PUM2: variants seen among roughly 807,000 people sequenced by gnomAD.
PUM2 encodes pumilio RNA binding family member 2.
A neutral mutation model predicts 124.5 loss-of-function variants in PUM2; 57 were observed. The observed-to-expected ratio is 0.46, with a 90% CI of 0.37 to 0.57. The LOEUF (loss-of-function observed/expected upper bound fraction) is 0.57, where lower values mean the gene tolerates loss of function less well. Among genes scored for constraint, PUM2 ranks in the 20% least tolerant of loss-of-function variants. The probability of loss-of-function intolerance (pLI) is 0.00; values close to 1 mark genes in which losing one functional copy is unlikely to be tolerated. For missense variants in PUM2, 1,065 were observed against 1,290.6 expected (o/e 0.83, Z 2.68); for synonymous variants, 460 against 446.1 (o/e 1.03, Z -0.39).
In PUM2 at chr2:20,293,161, G is replaced by A. The variant is rs17623960; in HGVS notation, c.1152+1215C>T. Among the ~76,000 whole-genome samples, 1,227 of 152,220 alleles carry A rather than the reference G, an allele frequency of 8.1e-3. 6 individuals carry two copies. The highest frequency in any genetic ancestry group is 0.011 in the Non-Finnish European group (757 of 68,018). On this transcript the variant is annotated intron_variant, in intron 9 of 20. Coordinates refer to ENST00000361078, the MANE Select transcript of PUM2 (RefSeq NM_015317.5). ...TAGTCTGGTCAAGGTTTACTATTCCGCAATACATAGCTGTTGTAGCAATCA... is the reference window on the plus strand; with the variant it reads ...TAGTCTGGTCAAGGTTTACTATTCCACAATACATAGCTGTTGTAGCAATCA...
intron 14 of PUM2, among the ~76,000 whole-genome samples, chr2:20,261,254 G>A (rs757706909): frequency 2.3e-4 from 35 of 151,560 alleles, no homozygotes; most frequent in Non-Finnish European, 4.4e-4. Context: ...AGTTGGGCAC[G>A]GTGGCAGACG....
chr2:20,351,335 T>C (rs1392522874), upstream of PUM2, among the ~76,000 whole-genome samples: 1 of 152,078 alleles, frequency 6.6e-6, no homozygotes, highest in Non-Finnish European at 1.5e-5. Context: ...ACTCTGTACC[T>C]CCCCACAACC....
At chr2:20,306,755 C>T (rs577435442) in intron 7 of PUM2, among the ~76,000 whole-genome samples, 1 of 151,890 alleles carries the variant, frequency 6.6e-6, no homozygotes, top group South Asian at 2.1e-4. Flanking sequence ...TTACAGACCC[C>T]CACTGCTAAG....
intron 3 of PUM2, among the ~76,000 whole-genome samples, chr2:20,318,115 G>A (rs1171802329): frequency 6.6e-6 from 1 of 152,136 alleles, no homozygotes; most frequent in East Asian, 1.9e-4. Context: ...TTGACACAAT[G>A]CTTTCCACAA....
intron 13 of PUM2, among the ~76,000 whole-genome samples, chr2:20,266,177 C>T (rs958579784): frequency 6.6e-6 from 1 of 152,134 alleles, no homozygotes; most frequent in Non-Finnish European, 1.5e-5. Context: ...CGCGGTGGCT[C>T]ACGCCTATAA....
At chr2:20,289,387 C>G (rs1329415246) in intron 10 of PUM2, among the ~76,000 whole-genome samples, 1 of 152,164 alleles carries the variant, frequency 6.6e-6, no homozygotes, top group Non-Finnish European at 1.5e-5. Flanking sequence ...CAGTGGCCCT[C>G]AAAAACTCCC....
At chr2:20,263,841 A>T (rs1027914417) in intron 13 of PUM2, among the ~76,000 whole-genome samples, 3 of 152,334 alleles carry the variant, frequency 2.0e-5, no homozygotes, top group Admixed American at 6.5e-5. Flanking sequence ...CCACTGAAAT[A>T]GACTGAAATT....
chr2:20,305,004 A>T (rs1572829297), intron 7 of PUM2, among the ~76,000 whole-genome samples: 1 of 152,186 alleles, frequency 6.6e-6, no homozygotes, highest in East Asian at 1.9e-4. Flanking sequence ...AATTTGGATA[A>T]AAAAGATTGT....
chr2:20,325,448 C>CTT (rs950378117), intron 2 of PUM2, among the ~76,000 whole-genome samples: 6 of 152,138 alleles, frequency 3.9e-5, no homozygotes, highest in African/African-American at 1.4e-4. Flanking sequence ...TAACTAAACC[C>CTT]TTTCAACCAC....
At chr2:20,274,975 G>T (rs200809134) in intron 13 of PUM2, among the ~76,000 whole-genome samples, 6 of 9,198 alleles carry the variant, frequency 6.5e-4, no homozygotes, top group South Asian at 4.5e-3. Flanking sequence ...AAAAAAAAAA[G>T]ATGCTTACTT....
chr2:20,306,814 C>A lies in PUM2; in HGVS notation c.883+1164G>T, dbSNP rs572591936. Reference sequence around the variant, plus strand: ...TAGAGACGGGGTTTCACCATGTTGGCCAGGATGGTCTCAAACTCCTGACCT... The same window carrying A: ...TAGAGACGGGGTTTCACCATGTTGGACAGGATGGTCTCAAACTCCTGACCT... On this transcript the variant is annotated intron_variant, in intron 7 of 20. Transcript: ENST00000361078. Among the ~76,000 whole-genome samples, 23 of 151,380 alleles carry A rather than the reference C, an allele frequency of 1.5e-4. No individual in the cohort carries two copies. In the South Asian group the frequency reaches 4.9e-3, roughly 32 times the overall value.
intron 10 of PUM2, among the ~76,000 whole-genome samples, chr2:20,284,992 C>T (rs909331617): frequency 5.3e-5 from 8 of 152,212 alleles, no homozygotes; most frequent in Non-Finnish European, 7.3e-5. Flanking sequence ...AGTCCTAAAT[C>T]CAAGGCACAC....
intron 3 of PUM2, among the ~76,000 whole-genome samples, chr2:20,317,574 T>G (rs1681264792): frequency 6.6e-6 from 1 of 152,048 alleles, no homozygotes; most frequent in Non-Finnish European, 1.5e-5. Flanking sequence ...TATTCTAGAT[T>G]GGGGGGGTAC....
chr2:20,310,888 C>G (rs1679451647), intron 5 of PUM2, among the ~76,000 whole-genome samples: 1 of 151,936 alleles, frequency 6.6e-6, no homozygotes, highest in Admixed American at 6.5e-5. Context: ...CTAAAGTACT[C>G]ATTTAACTGC....
At chr2:20,331,275 TCA>T (rs1684853662) in intron 1 of PUM2, among the ~76,000 whole-genome samples, 1 of 33,750 alleles carries the variant, frequency 3.0e-5, no homozygotes, top group African/African-American at 1.3e-4. Flanking sequence ...CTGTATGTGC[TCA>T]GTTACTAAAC....
In PUM2 at chr2:20,318,579, G is replaced by C; in HGVS notation, c.118C>G (p.Leu40Val). ...STKDGQKGIF[L>V]GDDEWRETAW... ...GTCTCTCTCCATTCATCATCCCCAAGAAATATGCCTTTTTGTCCATCTTTT... is the reference window on the plus strand; with the variant it reads ...GTCTCTCTCCATTCATCATCCCCAACAAATATGCCTTTTTGTCCATCTTTT... The change falls in exon 3 of 21, where the codon CTT becomes GTT. Residue 40 changes from leucine (L) to valine (V), a missense_variant. Leu to Val is a conservative substitution (Grantham distance 32). This residue lies in a region of PUM2 where 90 missense variants were observed against 103.6 expected (regional missense o/e 0.87). Transcript: ENST00000361078. 1 of 1,613,608 alleles carries C rather than the reference G, an allele frequency of 6.2e-7. No individual in the cohort carries two copies. The highest frequency in any genetic ancestry group is 8.5e-7 in the Non-Finnish European group (1 of 1,179,826).
chr2:20,302,556 A>T (rs1391221402), intron 7 of PUM2, among the ~76,000 whole-genome samples: 1 of 152,176 alleles, frequency 6.6e-6, no homozygotes, highest in Non-Finnish European at 1.5e-5. Flanking sequence ...TTTGAAATTC[A>T]TCTCATCACT....
chr2:20,276,127 T>C (rs1670197019), intron 13 of PUM2, among the ~76,000 whole-genome samples: 1 of 152,082 alleles, frequency 6.6e-6, no homozygotes. Context: ...ACAAGTGTTT[T>C]AGATTTTTAT....
chr2:20,331,860 G>C (rs984948813), intron 1 of PUM2: 1 of 152,084 alleles, frequency 6.6e-6, no homozygotes, highest in African/African-American at 2.4e-5. Flanking sequence ...CCTAGTGTAG[G>C]AGTCAACATT....
Sources: gnomAD v4.1 joint callset for allele counts (sites outside exome capture counted in the v4.1 genomes callset) on GRCh38, gnomAD v4.1.1 for gene constraint, gnomAD v4.1.1 regional missense constraint, MANE v1.5 for transcripts, NCBI Gene and HGNC (gene_info 2026-07-23, HGNC 2026-07-21) for gene names.